UBASH3B: variants seen among roughly 807,000 people sequenced by gnomAD.
UBASH3B encodes the protein ubiquitin associated and SH3 domain containing B.
Under a neutral mutation model 83.4 loss-of-function variants are expected in UBASH3B, and 37 were observed. That is an observed-to-expected ratio of 0.44 (90% CI 0.34 to 0.58). The LOEUF (loss-of-function observed/expected upper bound fraction) is 0.58, where lower values mean the gene tolerates loss of function less well. UBASH3B is among the 20% of genes least tolerant of loss of function. The pLI is 0.01. For synonymous variants in UBASH3B, 304 were observed against 318.3 expected (o/e 0.96, Z 0.48); for missense variants, 657 against 827.2 (o/e 0.79, Z 2.52).
At chr11:122,762,664 G>A (rs1416174687) in intron 1 of UBASH3B, among the ~76,000 whole-genome samples, 2 of 152,154 alleles carry the variant, frequency 1.3e-5, no homozygotes, top group Non-Finnish European at 2.9e-5. Context: ...TCCTGCCACC[G>A]TCACCCGTTC....
Position 122,808,083 on chromosome 11 carries a change from T to A in UBASH3B, c.1719T>A (p.Ile573=). 1 of 1,614,126 alleles carries A rather than the reference T, an allele frequency of 6.2e-7. No homozygotes were observed. The highest frequency in any genetic ancestry group is 8.5e-7 in the Non-Finnish European group (1 of 1,179,972). The change falls in exon 13 of 14, where the codon ATT becomes ATA. Residue 573 remains isoleucine, a synonymous_variant. Coordinates refer to ENST00000284273, the MANE Select transcript of UBASH3B (RefSeq NM_032873.5). The part of the protein sequence containing the change: ...ECKSKGNNIL[I]VAHASSLEAC... ...TTCCCCCAGGAAATAACATCCTGAT[T>A]GTGGCCCACGCATCTTCCCTTGAAG...
chr11:122,777,760 C>G (rs904834426), intron 3 of UBASH3B, among the ~76,000 whole-genome samples: 2 of 152,140 alleles, frequency 1.3e-5, no homozygotes, highest in African/African-American at 4.8e-5. Context: ...GACAGAGTCT[C>G]ACTCTGTCAC....
At chr11:122,801,401 G>T (rs1011276385) in intron 11 of UBASH3B, 69 bp downstream of exon 11, 39 of 1,569,208 alleles carry the variant, frequency 2.5e-5, no homozygotes, top group Non-Finnish European at 3.2e-5. Flanking sequence ...ACTAGGCCAG[G>T]TTCAGGAAGG....
intron 6 of UBASH3B, among the ~76,000 whole-genome samples, chr11:122,794,249 G>A (rs993985327): frequency 7.3e-5 from 11 of 151,628 alleles, no homozygotes; most frequent in African/African-American, 2.4e-4. Context: ...CGTATCGCCC[G>A]GGCTGGAGTG....
At chr11:122,750,643 G>A (rs1235715083) in intron 1 of UBASH3B, among the ~76,000 whole-genome samples, 1 of 152,188 alleles carries the variant, frequency 6.6e-6, no homozygotes, top group Non-Finnish European at 1.5e-5. Flanking sequence ...CCTGATGGTG[G>A]TTAATAGCCG....
intron 1 of UBASH3B, among the ~76,000 whole-genome samples, chr11:122,713,897 A>G (rs533407023): frequency 6.6e-6 from 1 of 152,278 alleles, no homozygotes; most frequent in Non-Finnish European, 1.5e-5. Flanking sequence ...GCAGCCTTCC[A>G]TCAGATGTTT....
At chr11:122,677,514 C>T (rs1863683574) in intron 1 of UBASH3B, among the ~76,000 whole-genome samples, 1 of 152,184 alleles carries the variant, frequency 6.6e-6, no homozygotes, top group African/African-American at 2.4e-5. Context: ...ACCATTATCA[C>T]ATCATCAAAG....
chr11:122,793,530 G>A (rs958507786), intron 6 of UBASH3B, among the ~76,000 whole-genome samples: 2 of 152,192 alleles, frequency 1.3e-5, no homozygotes, highest in African/African-American at 4.8e-5. Context: ...TTGTAAAGAA[G>A]CAAGAAATCT....
rs1486529517 is a variant in UBASH3B, at chr11:122,759,677, G to T, written c.162-16542G>T. On this transcript the variant is annotated intron_variant, in intron 1 of 13. Transcript: ENST00000284273. The surrounding 1 kb of genome is among the most constrained non-coding windows in gnomAD (Gnocchi z 4.1). Reference sequence around the variant, plus strand: ...GAGGAGCCTGCAACCTAGATCCCTTGCACGTGCAGTTCACAGTAGGGTTTG... The same window carrying T: ...GAGGAGCCTGCAACCTAGATCCCTTTCACGTGCAGTTCACAGTAGGGTTTG... Among the ~76,000 whole-genome samples the T allele has an allele frequency of 6.6e-6, 1 of 152,164 alleles. No homozygotes were observed. The highest frequency in any genetic ancestry group is 1.5e-5 in the Non-Finnish European group (1 of 68,034).
At chr11:122,755,090 T>C (rs1158137632) in intron 1 of UBASH3B, among the ~76,000 whole-genome samples, 1 of 152,032 alleles carries the variant, frequency 6.6e-6, no homozygotes, top group Non-Finnish European at 1.5e-5. Flanking sequence ...CACCATGCAA[T>C]GGAGAGAAGT....
At chr11:122,793,840 G>A (rs1300627461) in intron 6 of UBASH3B, among the ~76,000 whole-genome samples, 2 of 152,184 alleles carry the variant, frequency 1.3e-5, no homozygotes, top group African/African-American at 2.4e-5. Context: ...CTTGTTGGAG[G>A]CGTGATTGAG....
intron 3 of UBASH3B, 51 bp downstream of exon 3, chr11:122,777,261 C>T: frequency 1.3e-6 from 2 of 1,550,596 alleles, no homozygotes; most frequent in Non-Finnish European, 8.7e-7. Flanking sequence ...AGGATCCCAG[C>T]CGGCCCTTTG....
At chr11:122,683,608 A>ATAATAATAAT (rs58490731) in intron 1 of UBASH3B, among the ~76,000 whole-genome samples, 17,172 of 147,972 alleles carry the variant, frequency 0.12, 1,302 homozygotes, top group Middle Eastern at 0.17. Flanking sequence ...CCTTCTCAAA[A>ATAATAATAAT]AAAAAAAAAA....
chr11:122,692,798 T>C lies in UBASH3B; in HGVS notation c.161+36588T>C, dbSNP rs1863912354. On this transcript the variant is annotated intron_variant, in intron 1 of 13. Coordinates refer to ENST00000284273, the MANE Select transcript of UBASH3B (RefSeq NM_032873.5). The stretch of plus-strand genomic sequence containing the variant: ...GCAACAGAAATAGAAGACACATTCC[T>C]CCCTTCAAGGAGTTTAGAGACTGGT... 2.0e-5 allele frequency among the ~76,000 whole-genome samples: 3 copies of C among 152,202 alleles called. No individual in the cohort carries two copies. In the South Asian group the frequency reaches 6.2e-4, roughly 32 times the overall value.
At chr11:122,795,388 C>T (rs886754421) in intron 7 of UBASH3B, among the ~76,000 whole-genome samples, 1 of 152,118 alleles carries the variant, frequency 6.6e-6, no homozygotes, top group African/African-American at 2.4e-5. Flanking sequence ...AGGATCATGC[C>T]ACCGTTCCAC....
At chr11:122,788,113 G>A (rs923832382) in intron 5 of UBASH3B, among the ~76,000 whole-genome samples, 3 of 152,148 alleles carry the variant, frequency 2.0e-5, no homozygotes, top group African/African-American at 7.2e-5. Context: ...TTTTGGCCTG[G>A]GGGCTGTTTC....
chr11:122,772,759 C>T (rs1203942787), intron 1 of UBASH3B, among the ~76,000 whole-genome samples: 3 of 152,208 alleles, frequency 2.0e-5, no homozygotes, highest in East Asian at 1.9e-4. Flanking sequence ...GACCACTGCT[C>T]ACCTGGGTTT....
chr11:122,720,784 A>G (rs1374490319), intron 1 of UBASH3B, among the ~76,000 whole-genome samples: 1 of 152,176 alleles, frequency 6.6e-6, no homozygotes, highest in Non-Finnish European at 1.5e-5. Flanking sequence ...CATGCAAAAT[A>G]GGAATCCCTT....
At position 122,753,981 on chromosome 11, in the gene UBASH3B, GTGA is replaced by G. The variant is rs1861243853; in HGVS notation, c.162-22232_162-22230del. Among the ~76,000 whole-genome samples the G allele has an allele frequency of 2.0e-5, 3 of 152,278 alleles. No individual in the cohort carries two copies. In the South Asian group the frequency reaches 6.2e-4, roughly 32 times the overall value. ...GCAGCGATGTCCAGCCGAATGTTCT[GTGA>G]TGATGGGAAGGTTTCATATCTGCAC... is the stretch of plus-strand genomic sequence containing the variant. On this transcript the variant is annotated intron_variant, in intron 1 of 13. Coordinates refer to ENST00000284273, the MANE Select transcript of UBASH3B (RefSeq NM_032873.5).
Sources: gnomAD v4.1 joint callset for allele counts (sites outside exome capture counted in the v4.1 genomes callset) on GRCh38, gnomAD v4.1.1 for gene constraint, Gnocchi (gnomAD v3.1) non-coding constraint, MANE v1.5 for transcripts, NCBI Gene and HGNC (gene_info 2026-07-23, HGNC 2026-07-21) for gene names.